ERC2: variants seen among roughly 807,000 people sequenced by gnomAD.
ERC2 encodes ELKS/RAB6-interacting/CAST family member 2, also known as ERC protein 2.
Under a neutral mutation model 114.8 loss-of-function variants are expected in ERC2, and 42 were observed. The observed-to-expected ratio is 0.37, with a 90% confidence interval of 0.29 to 0.47. ERC2 has a LOEUF of 0.47. Among genes scored for constraint, ERC2 ranks in the 20% least tolerant of loss-of-function variants. The pLI is 0.99. For synonymous variants in ERC2, 454 were observed against 425.5 expected (o/e 1.07, Z -0.82); for missense variants, 939 against 1,150.7 (o/e 0.82, Z 2.66).
chr3:55,904,763 G>C (rs559566666), intron 13 of ERC2, among the ~76,000 whole-genome samples: 4 of 152,322 alleles, frequency 2.6e-5, no homozygotes, highest in Admixed American at 2.6e-4. Flanking sequence ...CAACACCCTA[G>C]ACCACCGAGG....
In ERC2 at chr3:56,446,625, C is replaced by CTTTTTTTT. The variant is rs1318263302; in HGVS notation, c.-140-11479_-140-11478insAAAAAAAA. Among the ~76,000 whole-genome samples the CTTTTTTTT allele has an allele frequency of 3.6e-5, 4 of 112,360 alleles. 1 individual carries two copies. Among genetic ancestry groups the CTTTTTTTT allele is most frequent in the Non-Finnish European group, 3.5e-5 (2 of 56,666 alleles). 73.7% of individuals were successfully genotyped at this position (112,360 alleles called of 152,430 possible). On this transcript the variant is annotated intron_variant, in intron 1 of 17. Transcript: ENST00000288221. ...CGCATTTTCTTCTTTTTTTTTTTTTCTTTCTTTTTTTTTTTTTTGAGACGG... is the reference window on the plus strand; with the variant it reads ...CGCATTTTCTTCTTTTTTTTTTTTTCTTTTTTTTTTTCTTTTTTTTTTTTTTGAGACGG...
chr3:56,216,896 G>T (rs969380524), intron 3 of ERC2, among the ~76,000 whole-genome samples: 5 of 152,132 alleles, frequency 3.3e-5, no homozygotes, highest in Admixed American at 3.3e-4. Flanking sequence ...AAAACCACAT[G>T]ATTATCTCAA....
chr3:55,602,010 C>T (rs1296457481), intron 17 of ERC2, among the ~76,000 whole-genome samples: 1 of 152,218 alleles, frequency 6.6e-6, no homozygotes, highest in Non-Finnish European at 1.5e-5. Context: ...TCCTCAATAA[C>T]TATTTCTGAA....
chr3:56,048,552 G>A (rs746970729), intron 7 of ERC2, among the ~76,000 whole-genome samples: 11 of 152,114 alleles, frequency 7.2e-5, no homozygotes, highest in African/African-American at 9.7e-5. Context: ...TATTAGCACC[G>A]CAGGTCCAGT....
rs570554050 is a variant in ERC2, at chr3:56,256,696, G to T, written c.1074+39323C>A. ...GACCTGTAATCCCCATGTGTTGAGG[G>T]AAGGAAGTGATTGAATCATGTGGGC... On this transcript the variant is annotated intron_variant, in intron 3 of 17. Coordinates refer to ENST00000288221, the MANE Select transcript of ERC2 (RefSeq NM_015576.3). Among the ~76,000 whole-genome samples, 14 of 152,272 alleles carry T rather than the reference G, an allele frequency of 9.2e-5. No homozygotes were observed. In the South Asian group the frequency reaches 2.7e-3, roughly 29 times the overall value.
intron 17 of ERC2, among the ~76,000 whole-genome samples, chr3:55,540,761 G>A (rs1399425474): frequency 6.6e-6 from 1 of 152,192 alleles, no homozygotes; most frequent in Non-Finnish European, 1.5e-5. Flanking sequence ...TCTTATCTGG[G>A]AAAGAAATGT....
At chr3:56,170,602 T>G (rs925911907) in intron 4 of ERC2, among the ~76,000 whole-genome samples, 5 of 143,654 alleles carry the variant, frequency 3.5e-5, no homozygotes, top group Admixed American at 6.9e-5. Context: ...TTTTTTTTTT[T>G]TTTTTTTTTT....
chr3:55,659,444 T>G (rs1209451442), intron 17 of ERC2: 1 of 152,112 alleles, frequency 6.6e-6, no homozygotes, highest in Non-Finnish European at 1.5e-5. Flanking sequence ...CTCAGATAGC[T>G]CTGGAATCCC....
intron 7 of ERC2, among the ~76,000 whole-genome samples, chr3:56,044,558 A>G (rs932417439): frequency 2.0e-5 from 3 of 152,124 alleles, no homozygotes; most frequent in East Asian, 1.9e-4. Context: ...ATTTGGGGGG[A>G]AAATTGTAGC....
intron 14 of ERC2, among the ~76,000 whole-genome samples, chr3:55,817,548 C>T (rs928085643): frequency 1.3e-5 from 2 of 152,190 alleles, no homozygotes; most frequent in Admixed American, 6.5e-5. Flanking sequence ...ATAAGAATAA[C>T]CCTGAATTGA....
At chr3:55,765,384 C>A (rs964246905) in intron 14 of ERC2, among the ~76,000 whole-genome samples, 4 of 152,188 alleles carry the variant, frequency 2.6e-5, no homozygotes, top group Non-Finnish European at 4.4e-5. Context: ...CTCGTTCAAA[C>A]AAGTAATGGC....
intron 14 of ERC2, among the ~76,000 whole-genome samples, chr3:55,882,114 T>C (rs1013255010): frequency 3.3e-5 from 5 of 152,188 alleles, no homozygotes; most frequent in African/African-American, 7.2e-5. Flanking sequence ...ATCCCTTGAA[T>C]AGATTAATGC....
At chr3:56,432,613 A>G (rs547386457) in intron 2 of ERC2, among the ~76,000 whole-genome samples, 11 of 152,326 alleles carry the variant, frequency 7.2e-5, no homozygotes, top group African/African-American at 2.2e-4. Context: ...CTACACATAG[A>G]ATGAAAACAA....
At chr3:56,027,195 G>C (rs1030984472) in intron 7 of ERC2, among the ~76,000 whole-genome samples, 1 of 152,096 alleles carries the variant, frequency 6.6e-6, no homozygotes, top group Admixed American at 6.6e-5. Context: ...GGATATCCAG[G>C]CTTGCTTAAG....
intron 13 of ERC2, among the ~76,000 whole-genome samples, chr3:55,942,382 G>A (rs1348399413): frequency 5.0e-5 from 7 of 139,420 alleles, no homozygotes; most frequent in African/African-American, 1.3e-4. Context: ...TCCGCCTCCC[G>A]GGTTCACGCC....
chr3:56,311,045 G>A (rs770627517), intron 2 of ERC2, among the ~76,000 whole-genome samples: 8 of 151,114 alleles, frequency 5.3e-5, no homozygotes, highest in African/African-American at 1.2e-4. Flanking sequence ...TATGAGTGGC[G>A]CCCCCAATGC....
intron 15 of ERC2, among the ~76,000 whole-genome samples, chr3:55,718,017 T>A (rs575693107): frequency 1.8e-4 from 28 of 152,286 alleles, no homozygotes; most frequent in African/African-American, 6.0e-4. Flanking sequence ...TAATTTTGGG[T>A]CCTGCTCTCA....
intron 7 of ERC2, among the ~76,000 whole-genome samples, chr3:56,055,055 C>T (rs538335594): frequency 5.2e-4 from 79 of 152,262 alleles, no homozygotes; most frequent in Middle Eastern, 6.8e-3. Flanking sequence ...TTACCTCAGG[C>T]GAGACACAGG....
chr3:56,276,755 C>G (rs1019804636), intron 3 of ERC2, among the ~76,000 whole-genome samples: 4 of 152,130 alleles, frequency 2.6e-5, no homozygotes, highest in Admixed American at 2.6e-4. Flanking sequence ...CTTTTGGCTT[C>G]GCTGGGCCAC....
Sources: allele counts gnomAD v4.1 joint callset (sites outside exome capture counted in the v4.1 genomes callset), GRCh38; gene constraint gnomAD v4.1.1; transcripts MANE v1.5; gene names NCBI Gene and HGNC (gene_info 2026-07-23, HGNC 2026-07-21).